Variants in LAMB4 observed in about 807,000 individuals in gnomAD.
The protein encoded by LAMB4 is laminin subunit beta-4.
Under a neutral mutation model 199.2 loss-of-function variants are expected in LAMB4, and 196 were observed. The ratio of observed to expected loss-of-function variants is 0.98; its 90% CI spans 0.88 to 1.11. The LOEUF (loss-of-function observed/expected upper bound fraction) is 1.11. LAMB4 is among the 50% of genes least tolerant of loss of function. The pLI is 0.00. For missense variants in LAMB4, 2,080 were observed against 2,171.2 expected, an observed-to-expected ratio of 0.96 and a Z score of 0.83; for synonymous variants, 744 against 770.6, an observed-to-expected ratio of 0.97 and a Z score of 0.57.
At chr7:108,117,466 T>C (rs181366774) in intron 2 of LAMB4, among the ~76,000 whole-genome samples, 1 of 152,306 alleles carries the variant, frequency 6.6e-6, no homozygotes, top group Admixed American at 6.5e-5. Context: ...CAAAGTGGAA[T>C]CTTACTGGGG....
intron 3 of LAMB4, among the ~76,000 whole-genome samples, chr7:108,114,145 A>G (rs79318274): frequency 0.032 from 4,858 of 152,278 alleles, 237 homozygotes; most frequent in African/African-American, 0.11. Flanking sequence ...CATATTGGAA[A>G]GTGGCGGTGG....
chr7:108,023,905 G>A lies in LAMB4; in HGVS notation c.*134C>T. 1.8e-6 allele frequency: 1 copy of A among 566,238 alleles called. No homozygotes were observed. Among genetic ancestry groups the A allele is most frequent in the Non-Finnish European group, 2.8e-6 (1 of 353,222 alleles). 35.1% of individuals were successfully genotyped at this position (566,238 alleles called of 1,614,324 possible). A position where few individuals can be genotyped will look rare whatever the true frequency, so the allele number is the denominator to read the frequency against. ...TTCAACCTCCAGCCACACTGAGCAG[G>A]TGTCTAATAAGGACAGGGTGTGGGG... On this transcript the variant is annotated 3_prime_UTR_variant, in exon 34 of 34. Transcript: ENST00000388781.
downstream of LAMB4, among the ~76,000 whole-genome samples, chr7:108,020,052 G>A (rs149554126): frequency 2.6e-5 from 4 of 152,204 alleles, no homozygotes; most frequent in East Asian, 3.9e-4. Flanking sequence ...GGGTTCAAAC[G>A]TGGGCTCTCT....
At chr7:108,125,910 A>G (rs1466711488) in intron 1 of LAMB4, among the ~76,000 whole-genome samples, 1 of 152,216 alleles carries the variant, frequency 6.6e-6, no homozygotes, top group Non-Finnish European at 1.5e-5. Context: ...TTCAAGCAAC[A>G]ATAAAGGTCA....
chr7:108,057,560 C>T (rs1212901772), intron 24 of LAMB4, among the ~76,000 whole-genome samples: 3 of 152,142 alleles, frequency 2.0e-5, no homozygotes. Flanking sequence ...CTTTTGGAAG[C>T]TGACTGTTCC....
At chr7:108,105,592 C>G (rs1309675187) in intron 8 of LAMB4, among the ~76,000 whole-genome samples, 1 of 152,202 alleles carries the variant, frequency 6.6e-6, no homozygotes, top group East Asian at 1.9e-4. Context: ...ATTCTGCTCA[C>G]TAGTTCAATG....
intron 17 of LAMB4, among the ~76,000 whole-genome samples, chr7:108,076,297 T>C (rs2036700180): frequency 6.6e-6 from 1 of 151,708 alleles, no homozygotes; most frequent in African/African-American, 2.4e-5. Flanking sequence ...CTGCACAGAG[T>C]AAGAAGTTTG....
intron 17 of LAMB4, among the ~76,000 whole-genome samples, chr7:108,071,773 T>G (rs1246494589): frequency 6.6e-6 from 1 of 152,190 alleles, no homozygotes; most frequent in Non-Finnish European, 1.5e-5. Context: ...CCTGGATGAT[T>G]ACAGTGGCAG....
chr7:108,062,030 T>C (rs2036178427), intron 23 of LAMB4, among the ~76,000 whole-genome samples: 1 of 152,066 alleles, frequency 6.6e-6, no homozygotes, highest in Non-Finnish European at 1.5e-5. Context: ...TTTTACCCTT[T>C]CTCCCCCAAA....
rs140286212 is a variant in LAMB4 at position 108,109,207 on chromosome 7, T to A, written c.366A>T (p.Ala122=). The A allele has an allele frequency of 2.4e-5, 38 of 1,613,572 alleles. No individual in the cohort carries two copies. The highest frequency in any genetic ancestry group is 3.0e-5 in the Non-Finnish European group (35 of 1,179,770). The stretch of plus-strand genomic sequence containing the variant: ...GGATAAGGTGGCTGAACCGAAATAA[T>A]GCCTCTAAGTCCAGTCTGATGCTGA... ...DHVSIRLDLE[A]LFRFSHLILT... is the part of the protein sequence containing the mutation. The change falls in exon 5 of 34, where the codon GCA becomes GCT. Residue 122 remains alanine (A), a synonymous_variant. Transcript: ENST00000388781.
intron 29 of LAMB4, among the ~76,000 whole-genome samples, chr7:108,043,127 G>C (rs565970994): frequency 6.6e-6 from 1 of 152,070 alleles, no homozygotes; most frequent in African/African-American, 2.4e-5. Context: ...CAGCCACAGA[G>C]AACCAACAAA....
intron 28 of LAMB4, among the ~76,000 whole-genome samples, chr7:108,046,323 T>A (rs1461072980): frequency 2.0e-5 from 3 of 151,538 alleles, no homozygotes; most frequent in African/African-American, 4.9e-5. Flanking sequence ...ACTCCTGACT[T>A]CAGGTGATCC....
At chr7:108,040,257 G>T (rs1264050190) in intron 29 of LAMB4, among the ~76,000 whole-genome samples, 1 of 152,102 alleles carries the variant, frequency 6.6e-6, no homozygotes, top group Non-Finnish European at 1.5e-5. Flanking sequence ...AAAGAATCCA[G>T]AGGTGACTCA....
Position 108,024,063 on chromosome 7 carries a change from T to G in LAMB4, c.5262A>C (p.Lys1754Asn), listed in dbSNP as rs1584570675. 1 of 1,609,828 alleles carries G rather than the reference T, an allele frequency of 6.2e-7. No individual in the cohort carries two copies. The highest frequency in any genetic ancestry group is 1.3e-5 in the African/African-American group (1 of 74,826). ...CCTAGCTATAGCACCTAGCATATTT[T>G]TTTTCTTGTTCAACAATTTCATTTT... ...AIKNEIVEQE[K>N]KYARCYS The change falls in exon 34 of 34, where the codon AAA becomes AAC. Residue 1754 changes from lysine (K) to asparagine (N), a missense_variant. Lys to Asn is a moderately conservative substitution (Grantham distance 94). Transcript: ENST00000388781.
intron 19 of LAMB4, 70 bp downstream of exon 19, chr7:108,067,946 A>G: frequency 6.3e-7 from 1 of 1,595,382 alleles, no homozygotes. Flanking sequence ...ACCCCCCTCC[A>G]TGACTTTGCC....
rs74773665 is a variant in LAMB4 at position 108,061,275 on chromosome 7, G to A, written c.3282+1499C>T. ...CATTAGGTAAAAATTAAGGAAATCT[G>A]ACTAAATTTGTTAGCAATAATGTAT... On this transcript the variant is annotated intron_variant, in intron 23 of 33. Transcript: ENST00000388781. 2.5e-3 allele frequency among the ~76,000 whole-genome samples: 383 copies of A among 152,260 alleles called. 5 individuals are homozygous for A. The highest frequency in any genetic ancestry group is 8.7e-3 in the African/African-American group (363 of 41,556).
intron 7 of LAMB4, 122 bp downstream of exon 7, chr7:108,106,387 C>T: frequency 1.5e-6 from 1 of 662,884 alleles, no homozygotes; most frequent in Non-Finnish European, 2.6e-6. Context: ...CACTGCACTC[C>T]AGCCTGGATG....
At chr7:108,032,974 T>C (rs1056699597) in intron 31 of LAMB4, among the ~76,000 whole-genome samples, 4 of 152,298 alleles carry the variant, frequency 2.6e-5, no homozygotes, top group Non-Finnish European at 4.4e-5. Flanking sequence ...AAAAGTTTCT[T>C]ACTAATTCAG....
In LAMB4 at chr7:108,062,958, T is replaced by C. The variant is rs775868327; in HGVS notation, c.3098A>G (p.Glu1033Gly). The stretch of plus-strand genomic sequence containing the variant: ...GCAAGCTCCCCCACCAGGGGGACAC[T>C]CCATGGGACTCACGCCGGAAGCATG... The part of the protein sequence containing the change: ...SCHASGVSPM[E>G]CPPGGGACLC... Residue 1033 changes from glutamate to glycine, a missense_variant, in exon 23 of 34, where the codon GAG becomes GGG. Transcript: ENST00000388781. The C allele has an allele frequency of 1.9e-6, 3 of 1,595,956 alleles. No individual in the cohort carries two copies. Among genetic ancestry groups the C allele is most frequent in the Middle Eastern group, 1.7e-4 (1 of 6,000 alleles).
Sources: gnomAD v4.1 joint callset for allele counts (sites outside exome capture counted in the v4.1 genomes callset) on GRCh38, gnomAD v4.1.1 for gene constraint, MANE v1.5 for transcripts, NCBI Gene and HGNC (gene_info 2026-07-23, HGNC 2026-07-21) for gene names.